The following TPCN1 variants were observed in gnomAD, a reference collection of about 807,000 sequenced individuals.
TPCN1 encodes the protein two pore segment channel 1, also known as two pore channel protein 1.
TPCN1 carries 52 observed loss-of-function variants against 108.8 expected under a neutral mutation model. The observed-to-expected ratio is 0.48, with a 90% CI of 0.38 to 0.60. The LOEUF (loss-of-function observed/expected upper bound fraction) is 0.60. TPCN1 is among the 20% of genes least tolerant of loss of function. TPCN1 has a pLI of 0.00. For synonymous variants in TPCN1, 446 were observed against 433.7 expected (o/e 1.03, Z -0.35); for missense variants, 806 against 1,072.8 (o/e 0.75, Z 3.47).
intron 2 of TPCN1, among the ~76,000 whole-genome samples, chr12:113,253,041 G>A (rs565053987): frequency 6.6e-6 from 1 of 152,154 alleles, no homozygotes; most frequent in South Asian, 2.1e-4. Flanking sequence ...TGATTCTTGA[G>A]AGGCAAGTAG....
chr12:113,290,648 T>C (rs1276592981), intron 22 of TPCN1, among the ~76,000 whole-genome samples: 4 of 152,062 alleles, frequency 2.6e-5, no homozygotes, highest in Non-Finnish European at 5.9e-5. Context: ...AAACCGCCTC[T>C]CCAGAAAAAG....
At chr12:113,242,378 G>A (rs764382640) in intron 2 of TPCN1, among the ~76,000 whole-genome samples, 10 of 152,322 alleles carry the variant, frequency 6.6e-5, no homozygotes, top group South Asian at 2.1e-4. Context: ...CCAGCCTTGC[G>A]GAAACAGTGG....
chr12:113,275,607 C>G (rs1955646229), intron 10 of TPCN1, among the ~76,000 whole-genome samples: 1 of 149,028 alleles, frequency 6.7e-6, no homozygotes, highest in African/African-American at 2.5e-5. Flanking sequence ...GAGACTTGCT[C>G]TGTTGCCCAG....
chr12:113,267,706 C>T (rs1029794316), intron 4 of TPCN1, 137 bp from the exon 5 acceptor site: 5 of 620,280 alleles, frequency 8.1e-6, no homozygotes, highest in Non-Finnish European at 1.2e-5. Context: ...TTTAGGCATG[C>T]GAGGCCAGGT....
In TPCN1 at chr12:113,296,345, G is replaced by A. The variant is rs1047157284; in HGVS notation, c.*269G>A. ...AAGGCTCCAGAAGGCCCTTCACAAG[G>A]AGACCCCTCACCTGGATCCAGTCGA... is the stretch of plus-strand genomic sequence containing the variant. On this transcript the variant is annotated 3_prime_UTR_variant, in exon 28 of 28. Transcript: ENST00000335509. 3.6e-5 allele frequency: 16 copies of A among 449,134 alleles called. No individual in the cohort carries two copies. The highest frequency in any genetic ancestry group is 1.2e-3 in the Middle Eastern group (2 of 1,670). The allele number at this position is 449,134 out of a possible 1,614,324, so 27.8% of individuals were successfully genotyped here.
At chr12:113,234,575 TA>T (rs1397302278) in intron 2 of TPCN1, among the ~76,000 whole-genome samples, 2 of 152,240 alleles carry the variant, frequency 1.3e-5, no homozygotes, top group African/African-American at 4.8e-5. Context: ...GGGTACCCTT[TA>T]CGCCTTGTTT....
rs559607614 is a variant in TPCN1 at position 113,245,150 on chromosome 12, T to C, written c.113-15218T>C. On this transcript the variant is annotated intron_variant, in intron 2 of 27. Coordinates refer to ENST00000335509, the MANE Select transcript of TPCN1 (RefSeq NM_017901.6). ...AGGGCATGGCAATCCATGCCTGTAG[T>C]CCCAGCTACTTGGGAGGCTGAGGTG... is the stretch of plus-strand genomic sequence containing the variant. Among the ~76,000 whole-genome samples the C allele has an allele frequency of 7.2e-5, 11 of 152,132 alleles. No individual in the cohort carries two copies. In the East Asian group the frequency reaches 2.1e-3, roughly 29 times the overall value.
rs926399422 is a variant in TPCN1 at position 113,268,994 on chromosome 12, A to C, written c.659+122A>C. 4 of 1,085,476 alleles carry C rather than the reference A, an allele frequency of 3.7e-6. No individual in the cohort carries two copies. The highest frequency in any genetic ancestry group is 3.1e-5 in the African/African-American group (2 of 64,966). The allele number at this position is 1,085,476 out of a possible 1,614,324, so 67.2% of individuals were successfully genotyped here. On this transcript the variant is annotated intron_variant, in intron 6 of 27. Coordinates refer to ENST00000335509, the MANE Select transcript of TPCN1 (RefSeq NM_017901.6). This position sits in a 1 kb window ranked among gnomAD's most constrained non-coding sequence, Gnocchi z 7.3. ...TCGACCCTGCATGCTGGTGGAGTAC[A>C]CGCAGACTCACTCTCCCTCTGCCAT...
chr12:113,295,375 G>C (rs1041252212), intron 27 of TPCN1, among the ~76,000 whole-genome samples: 1 of 150,946 alleles, frequency 6.6e-6, no homozygotes, highest in Non-Finnish European at 1.5e-5. Context: ...CCCAGGAGTG[G>C]GAGGCTGCAG....
chr12:113,223,863 G>A (rs1334104315), intron 1 of TPCN1, among the ~76,000 whole-genome samples: 2 of 152,096 alleles, frequency 1.3e-5, no homozygotes, highest in Non-Finnish European at 2.9e-5. Context: ...GTTTTAAATT[G>A]GGAGTTAAGG....
At chr12:113,226,303 G>A (rs1324550610) in intron 1 of TPCN1, among the ~76,000 whole-genome samples, 1 of 151,622 alleles carries the variant, frequency 6.6e-6, no homozygotes, top group Non-Finnish European at 1.5e-5. Flanking sequence ...TATTTATTTT[G>A]AGACAAGGTC....
At chr12:113,259,482 T>C (rs910498315) in intron 2 of TPCN1, among the ~76,000 whole-genome samples, 2 of 152,172 alleles carry the variant, frequency 1.3e-5, no homozygotes, top group Non-Finnish European at 2.9e-5. Flanking sequence ...TTTTGGAAAT[T>C]AAGGGGTAGA....
intron 7 of TPCN1, among the ~76,000 whole-genome samples, chr12:113,270,180 C>T (rs1338260368): frequency 6.6e-6 from 1 of 151,226 alleles, no homozygotes; most frequent in East Asian, 1.9e-4. Flanking sequence ...TGGGCAACAA[C>T]AGAGTGAGTG....
At chr12:113,240,626 G>T (rs1156498797) in intron 2 of TPCN1, among the ~76,000 whole-genome samples, 1 of 152,138 alleles carries the variant, frequency 6.6e-6, no homozygotes, top group Non-Finnish European at 1.5e-5. Context: ...GATGTGAGTT[G>T]GTAGTTTGCA....
Position 113,284,510 on chromosome 12 carries a change from T to G in TPCN1, c.1343-71T>G, listed in dbSNP as rs999183511. On this transcript the variant is annotated intron_variant, in intron 15 of 27. Coordinates refer to ENST00000335509, the MANE Select transcript of TPCN1 (RefSeq NM_017901.6). The surrounding 1 kb of genome is among the most constrained non-coding windows in gnomAD (Gnocchi z 4.1). Reference sequence around the variant, plus strand: ...GAGCTCCAGGAAGTTAACCAGGGACTTCAGCTGCGACCTGCAGATTTCTAA... The same window carrying G: ...GAGCTCCAGGAAGTTAACCAGGGACGTCAGCTGCGACCTGCAGATTTCTAA... 1.3e-6 allele frequency: 2 copies of G among 1,578,236 alleles called. No homozygotes were observed. Among genetic ancestry groups the G allele is most frequent in the Middle Eastern group, 2.2e-4 (1 of 4,506 alleles).
At chr12:113,256,259 A>C (rs1954828192) in intron 2 of TPCN1, among the ~76,000 whole-genome samples, 1 of 152,094 alleles carries the variant, frequency 6.6e-6, no homozygotes. Context: ...TCTAAAGTTC[A>C]TATGGAAGTT....
chr12:113,291,036 A>G, intron 23 of TPCN1, 38 bp downstream of exon 23: 1 of 1,606,628 alleles, frequency 6.2e-7, no homozygotes, highest in Non-Finnish European at 8.5e-7. Context: ...TCTTCCCGCC[A>G]GCCCTGGGGT....
chr12:113,277,301 T>G lies in TPCN1; in HGVS notation c.1121T>G (p.Met374Arg). The change falls in exon 12 of 28, where the codon ATG (methionine) becomes AGG (arginine). Residue 374 changes from methionine to arginine, a missense_variant. By Grantham distance (91) the Met-to-Arg change is moderately conservative (BLOSUM62 -1). Coordinates refer to ENST00000335509, the MANE Select transcript of TPCN1 (RefSeq NM_017901.6). ...EGLMRFYKPR[M>R]SARERYLTFK... Reference sequence around the variant, plus strand: ...CTCATGCGCTTCTACAAGCCCCGGATGAGTGCCAGGGAGCGCTATCTTACC... The same window carrying G: ...CTCATGCGCTTCTACAAGCCCCGGAGGAGTGCCAGGGAGCGCTATCTTACC... 1.9e-6 allele frequency: 3 copies of G among 1,614,154 alleles called. No homozygotes were observed.
intron 2 of TPCN1, among the ~76,000 whole-genome samples, chr12:113,228,006 G>A (rs1056545900): frequency 3.9e-5 from 6 of 152,142 alleles, no homozygotes; most frequent in African/African-American, 1.2e-4. Context: ...AGAAGGATTC[G>A]AACATAAACT....
Sources: gnomAD v4.1 joint callset for allele counts (sites outside exome capture counted in the v4.1 genomes callset) on GRCh38, gnomAD v4.1.1 for gene constraint, Gnocchi (gnomAD v3.1) non-coding constraint, MANE v1.5 for transcripts, NCBI Gene and HGNC (gene_info 2026-07-23, HGNC 2026-07-21) for gene names.